FRMD6: variants seen among roughly 807,000 people sequenced by gnomAD.
FRMD6 encodes FERM domain-containing protein 6.
FRMD6 carries 37 observed loss-of-function variants against 73.2 expected under a neutral mutation model. The observed-to-expected ratio is 0.51, with a 90% CI of 0.39 to 0.66. The LOEUF is 0.66. FRMD6 is among the 30% of genes least tolerant of loss of function. FRMD6 has a pLI of 0.00. For synonymous variants in FRMD6, 273 were observed against 282.2 expected, an observed-to-expected ratio of 0.97 and a Z score of 0.33; for missense variants, 714 against 780.5, an observed-to-expected ratio of 0.91 and a Z score of 1.02.
intron 1 of FRMD6, chr14:51,546,577 C>G (rs1387175406): frequency 2.6e-5 from 3 of 115,970 alleles, no homozygotes; most frequent in East Asian, 2.7e-4. Context: ...TGTTCCCCCT[C>G]CCCATCAAAA....
At chr14:51,693,147 C>G (rs1895719366) in intron 2 of FRMD6, among the ~76,000 whole-genome samples, 1 of 152,152 alleles carries the variant, frequency 6.6e-6, no homozygotes, top group Non-Finnish European at 1.5e-5. Flanking sequence ...AATCTCATAT[C>G]TGAATGACTT....
At chr14:51,566,115 A>AACTCTAGCCAGT (rs1317276609) in intron 1 of FRMD6, among the ~76,000 whole-genome samples, 3 of 152,254 alleles carry the variant, frequency 2.0e-5, no homozygotes, top group Non-Finnish European at 2.9e-5. Flanking sequence ...CAGTGAGCCG[A>AACTCTAGCCAGT]GATCATGCCA....
the FRMD6 span, among the ~76,000 whole-genome samples, chr14:51,406,051 T>A: frequency 3.9e-5 from 6 of 152,312 alleles, no homozygotes; most frequent in African/African-American, 1.4e-4. Context: ...CTTCTGCATA[T>A]GGCTAGTGAG....
At chr14:51,707,372 AT>A (rs1896684268) in intron 6 of FRMD6, among the ~76,000 whole-genome samples, 2 of 152,286 alleles carry the variant, frequency 1.3e-5, no homozygotes, top group Middle Eastern at 6.8e-3. Flanking sequence ...AATTCTTTCC[AT>A]CTGTTAAGTT....
intron 2 of FRMD6, among the ~76,000 whole-genome samples, chr14:51,696,264 C>G (rs1346036243): frequency 6.6e-6 from 1 of 151,490 alleles, no homozygotes; most frequent in East Asian, 1.9e-4. Context: ...TTCTTAAACT[C>G]TATCCAAACT....
chr14:51,660,982 A>T (rs1303649021), intron 1 of FRMD6, among the ~76,000 whole-genome samples: 1 of 152,116 alleles, frequency 6.6e-6, no homozygotes, highest in Non-Finnish European at 1.5e-5. Context: ...GCAGGGAGAG[A>T]AGGAGTAGTA....
chr14:51,573,705 A>C (rs75150674), intron 2 of FRMD6, among the ~76,000 whole-genome samples: 1 of 152,150 alleles, frequency 6.6e-6, no homozygotes, highest in South Asian at 2.1e-4. Flanking sequence ...CCGTGTCTCA[A>C]ATCTCTATGT....
chr14:51,500,342 C>T (rs1472345187), intron 1 of FRMD6, among the ~76,000 whole-genome samples: 2 of 152,050 alleles, frequency 1.3e-5, no homozygotes. Context: ...GCTTGACCTA[C>T]ATGGTGAAAC....
At chr14:51,528,361 A>G (rs1163026821) in intron 1 of FRMD6, among the ~76,000 whole-genome samples, 1 of 152,204 alleles carries the variant, frequency 6.6e-6, no homozygotes, top group Admixed American at 6.5e-5. Flanking sequence ...AGGAATAGGC[A>G]GATTTTCCAC....
At chr14:51,564,936 A>G (rs1382645987) in intron 1 of FRMD6, among the ~76,000 whole-genome samples, 1 of 152,268 alleles carries the variant, frequency 6.6e-6, no homozygotes, top group Non-Finnish European at 1.5e-5. Context: ...TCACGACAGT[A>G]ATAATGGCAG....
chr14:51,708,206 C>T lies in FRMD6; in HGVS notation c.687C>T (p.Val229=), dbSNP rs747894180. ...YIKEAVRLDD[V]AVHYYRLYKD... Reference sequence around the variant, plus strand: ...AAGAGGCTGTCCGACTGGATGACGTCGCTGTTCATTACTACAGATTGTATA... The same window carrying T: ...AAGAGGCTGTCCGACTGGATGACGTTGCTGTTCATTACTACAGATTGTATA... Residue 229 remains valine, a synonymous_variant, in exon 7 of 14, where the codon GTC becomes GTT. Transcript: ENST00000344768. 6.8e-6 allele frequency: 11 copies of T among 1,612,926 alleles called. No homozygotes were observed. The highest frequency in any genetic ancestry group is 3.3e-5 in the Admixed American group (2 of 59,908).
At chr14:51,644,178 T>G (rs553239057) in intron 2 of FRMD6, among the ~76,000 whole-genome samples, 1 of 152,036 alleles carries the variant, frequency 6.6e-6, no homozygotes, top group East Asian at 1.9e-4. Flanking sequence ...TTGAAAAAAA[T>G]AAACATTACG....
chr14:51,639,405 A>C (rs1348795443), intron 2 of FRMD6, among the ~76,000 whole-genome samples: 1 of 151,646 alleles, frequency 6.6e-6, no homozygotes, highest in African/African-American at 2.4e-5. Context: ...ACTGCACTCC[A>C]GCCTGGGTGA....
intron 1 of FRMD6, among the ~76,000 whole-genome samples, chr14:51,512,676 G>T (rs912417331): frequency 6.6e-6 from 1 of 151,944 alleles, no homozygotes; most frequent in Admixed American, 6.6e-5. Context: ...AGCACAAATC[G>T]GTGGGTTCTA....
intron 1 of FRMD6, among the ~76,000 whole-genome samples, chr14:51,497,529 G>A (rs1225491469): frequency 5.3e-5 from 8 of 152,034 alleles, no homozygotes; most frequent in African/African-American, 1.9e-4. Flanking sequence ...TATAATGCAA[G>A]CCACATGTGT....
upstream of FRMD6, chr14:51,649,759 A>AT (rs61181365): frequency 2.6e-3 from 383 of 147,764 alleles, 1 homozygote; most frequent in African/African-American, 8.0e-3. Flanking sequence ...GTACAGCTAC[A>AT]TTTTTTTTTT....
the FRMD6 span, among the ~76,000 whole-genome samples, chr14:51,469,096 A>G: frequency 1.3e-5 from 2 of 151,188 alleles, no homozygotes; most frequent in East Asian, 4.0e-4. Flanking sequence ...CCCTGCCACC[A>G]CGCCCGGCTA....
chr14:51,459,882 C>CTTTTTTTTTTTTTTTTTTTTT, the FRMD6 span, among the ~76,000 whole-genome samples: 1 of 23,430 alleles, frequency 4.3e-5, no homozygotes, highest in African/African-American at 2.2e-4. Flanking sequence ...ATTACTGACT[C>CTTTTTTTTTTTTTTTTTTTTT]TCTTTTTTTT....
intron 1 of FRMD6, among the ~76,000 whole-genome samples, chr14:51,568,516 A>C (rs1036343200): frequency 1.3e-5 from 2 of 152,246 alleles, no homozygotes; most frequent in African/African-American, 4.8e-5. Context: ...CACTGCAAGA[A>C]ACTTTTTGCC....
Sources: gnomAD v4.1 joint callset for allele counts (sites outside exome capture counted in the v4.1 genomes callset) on GRCh38, gnomAD v4.1.1 for gene constraint, MANE v1.5 for transcripts, NCBI Gene and HGNC (gene_info 2026-07-23, HGNC 2026-07-21) for gene names.